FAM193A: variants seen among roughly 807,000 people sequenced by gnomAD.
The protein encoded by FAM193A is family with sequence similarity 193 member A.
FAM193A carries 22 observed loss-of-function variants against 126.5 expected under a neutral mutation model. The ratio of observed to expected loss-of-function variants is 0.17; its 90% CI spans 0.12 to 0.25. The LOEUF (loss-of-function observed/expected upper bound fraction) is 0.25, where lower values mean the gene tolerates loss of function less well. Ranked by LOEUF, FAM193A falls within the 10% of genes least tolerant of loss-of-function variation. The pLI is 1.00. For missense variants in FAM193A, 1,675 were observed against 1,672.8 expected, an observed-to-expected ratio of 1.00 and a Z score of -0.02; for synonymous variants, 761 against 646.8, an observed-to-expected ratio of 1.18 and a Z score of -2.68.
chr4:2,597,911 A>ATT (rs369645448), intron 2 of FAM193A, among the ~76,000 whole-genome samples: 1 of 148,372 alleles, frequency 6.7e-6, no homozygotes, highest in Non-Finnish European at 1.5e-5. Context: ...ACTCACCTGA[A>ATT]TTTTTTTTTT....
intron 20 of FAM193A, among the ~76,000 whole-genome samples, chr4:2,725,015 T>C (rs1049314825): frequency 6.6e-6 from 1 of 152,064 alleles, no homozygotes; most frequent in Non-Finnish European, 1.5e-5. Flanking sequence ...TAGCCTCTAT[T>C]ACAGGCACCC....
chr4:2,581,755 A>T (rs1358508428), intron 1 of FAM193A, among the ~76,000 whole-genome samples: 1 of 148,714 alleles, frequency 6.7e-6, no homozygotes, highest in Non-Finnish European at 1.5e-5. Context: ...CTGGGTTCAC[A>T]CCATTCTCCC....
chr4:2,602,959 C>CTTTTTTTTTTT lies in FAM193A; in HGVS notation c.501+6647_501+6657dup, dbSNP rs71178487. Among the ~76,000 whole-genome samples, 79 of 42,310 alleles carry CTTTTTTTTTTT rather than the reference C, an allele frequency of 1.9e-3. 20 individuals are homozygous for CTTTTTTTTTTT. Among genetic ancestry groups the CTTTTTTTTTTT allele is most frequent in the African/African-American group, 9.1e-3 (79 of 8,688 alleles). 27.8% of individuals were successfully genotyped at this position (42,310 alleles called of 152,430 possible). ...ACAAGTGTGAGCCACTGCACCCGGCCTTTTTTTTTTTTTTTTTTTTTTTTT... is the reference window on the plus strand; with the variant it reads ...ACAAGTGTGAGCCACTGCACCCGGCCTTTTTTTTTTTTTTTTTTTTTTTTTTTTTTTTTTTT... On this transcript the variant is annotated intron_variant, in intron 2 of 20. Coordinates refer to ENST00000637812, the MANE Select transcript of FAM193A (RefSeq NM_001366318.2).
chr4:2,718,350 C>T (rs642626), intron 20 of FAM193A, among the ~76,000 whole-genome samples: 118,824 of 151,886 alleles, frequency 0.78, 46,580 homozygotes, highest in Middle Eastern at 0.86. Flanking sequence ...ATGTTGATAA[C>T]TATCAAAGTC....
chr4:2,667,244 C>G (rs1462391911), intron 12 of FAM193A, among the ~76,000 whole-genome samples: 1 of 152,212 alleles, frequency 6.6e-6, no homozygotes, highest in African/African-American at 2.4e-5. Flanking sequence ...CATGTAAGGA[C>G]AGTAACCCCA....
Position 2,644,946 on chromosome 4 carries a change from A to G in FAM193A, c.1164-1739A>G, listed in dbSNP as rs546946586. The stretch of plus-strand genomic sequence containing the variant: ...TATACATTTTTTCCCTATGTCCACT[A>G]TACGTATTTTTAAACATGCTGTAGT... On this transcript the variant is annotated intron_variant, in intron 6 of 20. Coordinates refer to ENST00000637812, the MANE Select transcript of FAM193A (RefSeq NM_001366318.2). Among the ~76,000 whole-genome samples the G allele has an allele frequency of 2.0e-5, 3 of 152,260 alleles. No homozygotes were observed. In the South Asian group the frequency reaches 6.2e-4, roughly 32 times the overall value.
chr4:2,605,318 G>A (rs1741470670), intron 2 of FAM193A, among the ~76,000 whole-genome samples: 1 of 152,110 alleles, frequency 6.6e-6, no homozygotes, highest in African/African-American at 2.4e-5. Context: ...TTCTTTGTTA[G>A]TTATATCACC....
rs1736923877 is a variant in FAM193A at position 2,537,122 on chromosome 4, C to G, written c.207C>G (p.Leu69=). 3 of 180,418 alleles carry G rather than the reference C, an allele frequency of 1.7e-5. No homozygotes were observed. The highest frequency in any genetic ancestry group is 7.2e-5 in the African/African-American group (3 of 41,680). 11.2% of individuals were successfully genotyped at this position (180,418 alleles called of 1,614,324 possible). A position where few individuals can be genotyped will look rare whatever the true frequency, so the allele number is the denominator to read the frequency against. Residue 69 remains leucine (L), a synonymous_variant, in exon 1 of 21, where the codon CTC becomes CTG. Coordinates refer to ENST00000637812, the MANE Select transcript of FAM193A (RefSeq NM_001366318.2). ...VGGAAAANGP[L]GAGASAGGAA... The stretch of plus-strand genomic sequence containing the variant: ...GCGCGGCGGCGGCCAACGGGCCTCT[C>G]GGCGCGGGCGCGAGCGCGGGCGGCG...
chr4:2,595,858 T>C (rs1488891957), intron 1 of FAM193A, among the ~76,000 whole-genome samples: 2 of 152,224 alleles, frequency 1.3e-5, no homozygotes, highest in Non-Finnish European at 2.9e-5. Context: ...GGGTTAATTT[T>C]GACAATTTTC....
At chr4:2,603,972 A>C (rs1360438004) in intron 2 of FAM193A, among the ~76,000 whole-genome samples, 1 of 151,918 alleles carries the variant, frequency 6.6e-6, no homozygotes, top group African/African-American at 2.4e-5. Context: ...CCTTCTGAGC[A>C]GCTGGGATTA....
intron 18 of FAM193A, among the ~76,000 whole-genome samples, chr4:2,697,083 A>G (rs1717126405): frequency 6.6e-6 from 1 of 152,158 alleles, no homozygotes; most frequent in South Asian, 2.1e-4. Context: ...GTTCCAGATG[A>G]AGACCAGCAC....
At chr4:2,552,993 G>A (rs186414862) in intron 1 of FAM193A, among the ~76,000 whole-genome samples, 21 of 151,654 alleles carry the variant, frequency 1.4e-4, no homozygotes, top group Non-Finnish European at 2.5e-4. Flanking sequence ...GATTACAGGC[G>A]CCCGCCACCA....
At chr4:2,675,856 C>G (rs548953125) in intron 13 of FAM193A, among the ~76,000 whole-genome samples, 2 of 152,324 alleles carry the variant, frequency 1.3e-5, no homozygotes, top group South Asian at 4.1e-4. Flanking sequence ...TGTGACTACT[C>G]TAAGTACCTC....
chr4:2,570,156 G>A (rs983352636), intron 1 of FAM193A, among the ~76,000 whole-genome samples: 2 of 151,560 alleles, frequency 1.3e-5, no homozygotes, highest in Non-Finnish European at 2.9e-5. Context: ...TTCAGAATCC[G>A]GGATTCTGGA....
intron 1 of FAM193A, among the ~76,000 whole-genome samples, chr4:2,577,410 G>A (rs1434541788): frequency 8.1e-6 from 1 of 123,762 alleles, no homozygotes; most frequent in East Asian, 2.2e-4. Flanking sequence ...CAATTAAAGT[G>A]GTTTTTTTTT....
At chr4:2,552,008 A>ATTTT (rs71178476) in intron 1 of FAM193A, among the ~76,000 whole-genome samples, 5 of 111,694 alleles carry the variant, frequency 4.5e-5, no homozygotes, top group Non-Finnish European at 5.1e-5. Context: ...GTCTGGGTAA[A>ATTTT]TTTTTTTTTT....
At chr4:2,693,115 G>A (rs1276215298) in intron 15 of FAM193A, among the ~76,000 whole-genome samples, 2 of 151,952 alleles carry the variant, frequency 1.3e-5, no homozygotes, top group African/African-American at 2.4e-5. Context: ...GCAGTGGTGC[G>A]ATCTGTGATC....
intron 19 of FAM193A, among the ~76,000 whole-genome samples, chr4:2,708,546 T>G (rs1252609670): frequency 2.0e-5 from 3 of 152,128 alleles, no homozygotes; most frequent in African/African-American, 7.2e-5. Flanking sequence ...CACTGCAGCC[T>G]ACGCCTTCTG....
intron 1 of FAM193A, among the ~76,000 whole-genome samples, chr4:2,562,598 G>A (rs949272633): frequency 1.3e-5 from 2 of 151,732 alleles, no homozygotes; most frequent in African/African-American, 4.8e-5. Context: ...TACAAAAGTG[G>A]CACCCACCCC....
Sources: allele counts gnomAD v4.1 joint callset (sites outside exome capture counted in the v4.1 genomes callset), GRCh38; gene constraint gnomAD v4.1.1; transcripts MANE v1.5; gene names NCBI Gene and HGNC (gene_info 2026-07-23, HGNC 2026-07-21).